Variants in RGS6 observed in about 807,000 individuals in gnomAD.
The protein encoded by RGS6 is regulator of G protein signaling 6.
In RGS6, 30 loss-of-function variants were observed where a neutral mutation model predicts 78.5. The ratio of observed to expected loss-of-function variants is 0.38; its 90% CI spans 0.29 to 0.52. RGS6 has a LOEUF of 0.52. RGS6 is among the 20% of genes least tolerant of loss of function. The pLI, the probability that RGS6 is intolerant of heterozygous loss-of-function variation, is 0.85. For synonymous variants in RGS6, 206 were observed against 206.0 expected (o/e 1.00, Z 0.00); for missense variants, 495 against 609.7 (o/e 0.81, Z 1.98).
chr14:72,281,153 T>G (rs2061508229), intron 2 of RGS6, among the ~76,000 whole-genome samples: 1 of 149,058 alleles, frequency 6.7e-6, no homozygotes. Context: ...TCTTTTTTTT[T>G]TTTTTTTTTT....
chr14:72,600,833 G>GC, the RGS6 span, among the ~76,000 whole-genome samples: 1 of 152,022 alleles, frequency 6.6e-6, no homozygotes, highest in East Asian at 1.9e-4. Context: ...CCTCTCCCCT[G>GC]CCGCATCCCC....
intron 2 of RGS6, among the ~76,000 whole-genome samples, chr14:72,013,250 G>A: frequency 8.7e-6 from 1 of 114,710 alleles, no homozygotes; most frequent in East Asian, 2.8e-4. Context: ...CAGCCTAGGT[G>A]ACAGAACAAG....
chr14:72,547,407 G>T, intron 17 of RGS6: 1 of 1,322,314 alleles, frequency 7.6e-7, no homozygotes, highest in East Asian at 2.6e-5. Context: ...CCCCCAAAAT[G>T]AGCTCCTGGT....
chr14:72,094,890 G>A (rs1175646016), intron 2 of RGS6, among the ~76,000 whole-genome samples: 1 of 152,074 alleles, frequency 6.6e-6, no homozygotes, highest in East Asian at 1.9e-4. Flanking sequence ...GACTATTCTT[G>A]CAATTACACA....
At chr14:72,594,291 G>A in the RGS6 span, 1 of 152,270 alleles carries the variant, frequency 6.6e-6, no homozygotes, top group Admixed American at 6.6e-5. Flanking sequence ...ACCTCTCCCA[G>A]TTCCCAGCAG....
intron 2 of RGS6, among the ~76,000 whole-genome samples, chr14:72,095,993 G>T (rs2095397745): frequency 6.6e-6 from 1 of 152,214 alleles, no homozygotes; most frequent in African/African-American, 2.4e-5. Context: ...GGAGGGCCGG[G>T]TGCAGTGGCT....
intron 13 of RGS6, among the ~76,000 whole-genome samples, chr14:72,498,216 A>C (rs1327532227): frequency 6.6e-6 from 1 of 152,066 alleles, no homozygotes; most frequent in African/African-American, 2.4e-5. Context: ...CTCCCCCTGG[A>C]GATGTGATAT....
chr14:72,346,457 G>T (rs781047417), intron 2 of RGS6, among the ~76,000 whole-genome samples: 9 of 152,142 alleles, frequency 5.9e-5, no homozygotes, highest in Non-Finnish European at 1.0e-4. Context: ...GAAAACATCA[G>T]AAACTCCCCA....
intron 13 of RGS6, among the ~76,000 whole-genome samples, chr14:72,499,081 C>T (rs1478012898): frequency 6.6e-6 from 1 of 152,182 alleles, no homozygotes; most frequent in African/African-American, 2.4e-5. Flanking sequence ...GGGTCAAGCC[C>T]TGATGGAGTT....
intron 3 of RGS6, among the ~76,000 whole-genome samples, chr14:72,435,917 T>G (rs2094888579): frequency 6.6e-6 from 1 of 152,166 alleles, no homozygotes; most frequent in Non-Finnish European, 1.5e-5. Context: ...TAAGGTATCA[T>G]ATTCACAGTT....
At chr14:72,532,939 A>G (rs1008571180) in intron 15 of RGS6, among the ~76,000 whole-genome samples, 1 of 152,270 alleles carries the variant, frequency 6.6e-6, no homozygotes, top group East Asian at 1.9e-4. Context: ...AGCTGCAGCA[A>G]GTTATCCAGA....
At chr14:72,089,418 C>T (rs566495942) in intron 2 of RGS6, among the ~76,000 whole-genome samples, 1 of 152,314 alleles carries the variant, frequency 6.6e-6, no homozygotes, top group East Asian at 1.9e-4. Flanking sequence ...AGGAAGTAGG[C>T]CAACATCAGG....
At chr14:72,143,286 T>C (rs1447671526) in intron 2 of RGS6, among the ~76,000 whole-genome samples, 6 of 151,964 alleles carry the variant, frequency 3.9e-5, no homozygotes, top group Non-Finnish European at 8.8e-5. Flanking sequence ...TGCAGGAGAA[T>C]CGCTTGAACC....
intron 3 of RGS6, among the ~76,000 whole-genome samples, chr14:72,401,377 G>T (rs928120813): frequency 6.6e-6 from 1 of 152,018 alleles, no homozygotes; most frequent in African/African-American, 2.4e-5. Context: ...ATCTTTGTCA[G>T]TTAGCTGGGT....
At chr14:72,042,636 T>C (rs144278954) in intron 2 of RGS6, among the ~76,000 whole-genome samples, 48 of 73,128 alleles carry the variant, frequency 6.6e-4, no homozygotes, top group Admixed American at 8.6e-4. Context: ...CACCAGGCTT[T>C]ATATAATAAA....
chr14:72,109,613 A>C (rs746089404), intron 2 of RGS6, among the ~76,000 whole-genome samples: 2 of 152,216 alleles, frequency 1.3e-5, no homozygotes, highest in Non-Finnish European at 2.9e-5. Context: ...ACAGAGCAAA[A>C]TAGATGACAA....
the RGS6 span, among the ~76,000 whole-genome samples, chr14:71,910,176 C>A: frequency 6.6e-6 from 1 of 151,948 alleles, no homozygotes; most frequent in Non-Finnish European, 1.5e-5. Context: ...GGCAACAGAG[C>A]GAGACTCTGT....
At chr14:72,556,105 T>A (rs1475408841) in intron 17 of RGS6, among the ~76,000 whole-genome samples, 2 of 151,414 alleles carry the variant, frequency 1.3e-5, no homozygotes, top group African/African-American at 4.9e-5. Flanking sequence ...AAAAACTTTT[T>A]AAAATATTTT....
the RGS6 span, among the ~76,000 whole-genome samples, chr14:71,871,343 T>G: frequency 6.6e-6 from 1 of 152,212 alleles, no homozygotes. Flanking sequence ...TATAGACATG[T>G]GCTTGATAGA....
Sources: allele counts gnomAD v4.1 joint callset (sites outside exome capture counted in the v4.1 genomes callset), GRCh38; gene constraint gnomAD v4.1.1; transcripts MANE v1.5; gene names NCBI Gene and HGNC (gene_info 2026-07-23, HGNC 2026-07-21).